LRRC28: variants seen among roughly 807,000 people sequenced by gnomAD.
The protein encoded by LRRC28 is leucine-rich repeat-containing protein 28.
LRRC28 carries 39 observed loss-of-function variants against 45.7 expected under a neutral mutation model. The ratio of observed to expected loss-of-function variants is 0.85; its 90% CI spans 0.66 to 1.12. The LOEUF (loss-of-function observed/expected upper bound fraction) is 1.12. Among genes scored for constraint, LRRC28 ranks in the 50% most tolerant of loss-of-function variants. The pLI, the probability that LRRC28 is intolerant of heterozygous loss-of-function variation, is 0.00. For synonymous variants in LRRC28, 206 were observed against 178.8 expected (o/e 1.15, Z -1.22); for missense variants, 435 against 438.5 (o/e 0.99, Z 0.07).
intron 3 of LRRC28, among the ~76,000 whole-genome samples, chr15:99,284,130 C>G (rs2081890464): frequency 6.6e-6 from 1 of 152,196 alleles, no homozygotes; most frequent in African/African-American, 2.4e-5. Context: ...AGCCCGCTCT[C>G]TGATCCACTT....
intron 2 of LRRC28, among the ~76,000 whole-genome samples, chr15:99,269,444 C>G (rs12914149): frequency 0.096 from 14,523 of 151,808 alleles, 980 homozygotes; most frequent in East Asian, 0.32. Context: ...AGAGTTTTCA[C>G]CCAGGCTGGA....
chr15:99,293,209 C>T (rs145934865), intron 5 of LRRC28, among the ~76,000 whole-genome samples: 1 of 152,210 alleles, frequency 6.6e-6, no homozygotes, highest in Non-Finnish European at 1.5e-5. Context: ...TCCTTTTACC[C>T]TCCTCCTTTT....
intron 3 of LRRC28, among the ~76,000 whole-genome samples, chr15:99,284,100 T>A (rs897680707): frequency 2.0e-5 from 3 of 152,202 alleles, no homozygotes; most frequent in African/African-American, 7.2e-5. Context: ...GCTATTAAGG[T>A]GCAGGTAGTG....
chr15:99,361,798 G>A (rs1252228176), intron 8 of LRRC28, among the ~76,000 whole-genome samples: 1 of 152,144 alleles, frequency 6.6e-6, no homozygotes, highest in Non-Finnish European at 1.5e-5. Context: ...CTTAAAAAAC[G>A]TGGTTGTCAG....
At position 99,259,778 on chromosome 15, in the gene LRRC28, A is replaced by G. The variant is rs2081139616; in HGVS notation, c.168+3653A>G. ...TGCTGTGGTTTTGTTTGAAACAGCA[A>G]TGCAGCAGTGATTCGGTCAGGATGT... On this transcript the variant is annotated intron_variant, in intron 2 of 9. Coordinates refer to ENST00000301981, the MANE Select transcript of LRRC28 (RefSeq NM_144598.5). 4.1e-6 allele frequency: 5 copies of G among 1,213,842 alleles called. 1 individual carries two copies. The South Asian group carries it at 4.8e-5, about 12-fold the overall frequency. The allele number at this position is 1,213,842 out of a possible 1,614,324, so 75.2% of individuals were successfully genotyped here.
At chr15:99,340,017 G>T (rs1380586708) in intron 6 of LRRC28, among the ~76,000 whole-genome samples, 1 of 152,172 alleles carries the variant, frequency 6.6e-6, no homozygotes, top group African/African-American at 2.4e-5. Flanking sequence ...ATGTACCTCT[G>T]CATTAACCTC....
At chr15:99,313,111 C>T (rs777242267) in intron 5 of LRRC28, among the ~76,000 whole-genome samples, 3 of 152,018 alleles carry the variant, frequency 2.0e-5, no homozygotes, top group Non-Finnish European at 2.9e-5. Context: ...ACCTTGCAAA[C>T]AGGAAATAAT....
At chr15:99,253,255 G>A (rs909378456) in intron 1 of LRRC28, among the ~76,000 whole-genome samples, 5 of 152,146 alleles carry the variant, frequency 3.3e-5, no homozygotes, top group African/African-American at 9.6e-5. Flanking sequence ...CGAGTAGCTG[G>A]GATTACAGGC....
chr15:99,356,853 C>T (rs932769776), intron 7 of LRRC28, among the ~76,000 whole-genome samples: 2 of 152,154 alleles, frequency 1.3e-5, no homozygotes, highest in African/African-American at 4.8e-5. Flanking sequence ...AATTTCTCAT[C>T]AGAAACTTTG....
intron 2 of LRRC28, among the ~76,000 whole-genome samples, chr15:99,269,645 C>A (rs1307545761): frequency 6.6e-6 from 1 of 152,154 alleles, no homozygotes; most frequent in Non-Finnish European, 1.5e-5. Flanking sequence ...TCAGGTAATC[C>A]ACCTCCCTCA....
At chr15:99,261,492 A>T (rs1279504803) in intron 2 of LRRC28, among the ~76,000 whole-genome samples, 1 of 152,158 alleles carries the variant, frequency 6.6e-6, no homozygotes, top group Non-Finnish European at 1.5e-5. Flanking sequence ...GGGTTCGCAG[A>T]TGGTGCCTTT....
chr15:99,361,861 T>A (rs577284779), intron 8 of LRRC28, among the ~76,000 whole-genome samples: 1 of 152,288 alleles, frequency 6.6e-6, no homozygotes, highest in Admixed American at 6.5e-5. Context: ...ACTTGGTGTT[T>A]GGGAATGTGT....
intron 5 of LRRC28, among the ~76,000 whole-genome samples, chr15:99,313,565 C>G (rs993917232): frequency 6.6e-6 from 1 of 152,142 alleles, no homozygotes; most frequent in Non-Finnish European, 1.5e-5. Flanking sequence ...TTCAAAAGAA[C>G]TTGATTCCTT....
At chr15:99,305,103 A>T (rs939815100) in intron 5 of LRRC28, among the ~76,000 whole-genome samples, 2 of 152,212 alleles carry the variant, frequency 1.3e-5, no homozygotes, top group Non-Finnish European at 1.5e-5. Flanking sequence ...GGCACACGTC[A>T]GATCAGCTAG....
At chr15:99,379,437 C>T (rs187000578) in intron 9 of LRRC28, among the ~76,000 whole-genome samples, 207 of 152,138 alleles carry the variant, frequency 1.4e-3, no homozygotes, top group African/African-American at 4.1e-3. Flanking sequence ...CCCTTTTCTT[C>T]TTTATTAGTC....
chr15:99,278,105 G>T (rs2081669183), intron 3 of LRRC28, among the ~76,000 whole-genome samples: 1 of 152,134 alleles, frequency 6.6e-6, no homozygotes, highest in Non-Finnish European at 1.5e-5. Flanking sequence ...ATACTCTTAT[G>T]TTGGAAAATA....
chr15:99,337,510 GCAT>G lies in LRRC28; in HGVS notation c.592+3383_592+3385del, dbSNP rs563061328. On this transcript the variant is annotated intron_variant, in intron 6 of 9. Coordinates refer to ENST00000301981, the MANE Select transcript of LRRC28 (RefSeq NM_144598.5). ...ATGGCCGGTGTGGCTAAGGAGGTGGGCATCTCTTCTTTGGTACACAATCTTCAG... is the reference window on the plus strand; with the variant it reads ...ATGGCCGGTGTGGCTAAGGAGGTGGGCTCTTCTTTGGTACACAATCTTCAG... Among the ~76,000 whole-genome samples, 93 of 152,356 alleles carry G rather than the reference GCAT, an allele frequency of 6.1e-4. 1 individual carries two copies. The South Asian group carries it at 0.014, about 23-fold the overall frequency.
At chr15:99,259,734 A>G in intron 2 of LRRC28, 1 of 1,419,424 alleles carries the variant, frequency 7.0e-7, no homozygotes, top group South Asian at 1.1e-5. Context: ...GATGAAGATG[A>G]TAAAACAGTT....
intron 3 of LRRC28, among the ~76,000 whole-genome samples, chr15:99,286,109 A>G (rs1314297342): frequency 6.6e-6 from 1 of 152,210 alleles, no homozygotes; most frequent in Non-Finnish European, 1.5e-5. Flanking sequence ...ATTTAAAAGT[A>G]CTTTATAAAT....
Sources: allele counts gnomAD v4.1 joint callset (sites outside exome capture counted in the v4.1 genomes callset), GRCh38; gene constraint gnomAD v4.1.1; transcripts MANE v1.5; gene names NCBI Gene and HGNC (gene_info 2026-07-23, HGNC 2026-07-21).